Variants in CRACR2A observed in about 807,000 individuals in gnomAD.
CRACR2A encodes the protein EF-hand calcium-binding domain-containing protein 4B.
Under a neutral mutation model 90.5 loss-of-function variants are expected in CRACR2A, and 79 were observed. The observed-to-expected ratio is 0.87, with a 90% CI of 0.73 to 1.05. CRACR2A has a LOEUF of 1.05. CRACR2A is among the 50% of genes least tolerant of loss of function. The pLI is 0.00. For synonymous variants in CRACR2A, 338 were observed against 356.7 expected (o/e 0.95, Z 0.59); for missense variants, 823 against 897.2 (o/e 0.92, Z 1.06).
At chr12:3,702,841 AAAG>A (rs1945854091) in intron 3 of CRACR2A, among the ~76,000 whole-genome samples, 1 of 152,372 alleles carries the variant, frequency 6.6e-6, no homozygotes, top group East Asian at 1.9e-4. Context: ...CAACTTTGAA[AAAG>A]AAGAACAAAA....
chr12:3,646,152 T>TA (rs1408148734), intron 11 of CRACR2A, among the ~76,000 whole-genome samples: 1 of 152,128 alleles, frequency 6.6e-6, no homozygotes, highest in African/African-American at 2.4e-5. Flanking sequence ...TTCCAGGACT[T>TA]AAAGTAGGAG....
intron 1 of CRACR2A, among the ~76,000 whole-genome samples, chr12:3,748,240 G>A (rs1210302650): frequency 2.0e-5 from 3 of 152,158 alleles, no homozygotes; most frequent in Admixed American, 2.0e-4. Context: ...CTTCAGCACA[G>A]ATGGGGTGGG....
At chr12:3,663,758 C>T (rs73245942) in intron 7 of CRACR2A, among the ~76,000 whole-genome samples, 10,269 of 152,242 alleles carry the variant, frequency 0.067, 1,161 homozygotes, top group African/African-American at 0.23. Context: ...TCTATTCATA[C>T]AGCCTAAAAC....
At chr12:3,723,865 C>T (rs1463582162) in intron 2 of CRACR2A, among the ~76,000 whole-genome samples, 1 of 152,192 alleles carries the variant, frequency 6.6e-6, no homozygotes, top group African/African-American at 2.4e-5. Flanking sequence ...ACTGACATTA[C>T]AGTGTCAGTC....
chr12:3,635,882 C>T (rs995699790), intron 14 of CRACR2A, among the ~76,000 whole-genome samples: 3 of 152,174 alleles, frequency 2.0e-5, no homozygotes, highest in African/African-American at 7.2e-5. Flanking sequence ...TTCCTTCCAA[C>T]TTTTCTTTAT....
intron 6 of CRACR2A, among the ~76,000 whole-genome samples, chr12:3,677,972 CTT>C (rs762687961): frequency 6.3e-4 from 96 of 152,322 alleles, no homozygotes; most frequent in Middle Eastern, 6.8e-3. Flanking sequence ...CCTCTTCTCT[CTT>C]GTCTCCTTTT....
chr12:3,736,373 C>G (rs545871041), intron 1 of CRACR2A, among the ~76,000 whole-genome samples: 31 of 151,482 alleles, frequency 2.0e-4, no homozygotes, highest in African/African-American at 7.0e-4. Flanking sequence ...CATTATTTAG[C>G]CAGATTGGAA....
At chr12:3,667,178 C>T (rs1405770445) in intron 7 of CRACR2A, among the ~76,000 whole-genome samples, 1 of 152,180 alleles carries the variant, frequency 6.6e-6, no homozygotes, top group Non-Finnish European at 1.5e-5. Context: ...CTTTGGTTTT[C>T]AAGTGAAGAA....
intron 2 of CRACR2A, among the ~76,000 whole-genome samples, chr12:3,725,414 C>T (rs935106859): frequency 2.0e-5 from 3 of 152,188 alleles, no homozygotes; most frequent in South Asian, 4.1e-4. Flanking sequence ...CCAGCTCTGC[C>T]TCTGTCCTCA....
chr12:3,700,549 T>C (rs1408936271), intron 3 of CRACR2A, among the ~76,000 whole-genome samples: 2 of 152,204 alleles, frequency 1.3e-5, no homozygotes, highest in Non-Finnish European at 2.9e-5. Context: ...TTAACATTAG[T>C]TAAGAGAATA....
At chr12:3,637,635 T>A (rs933434287) in intron 14 of CRACR2A, among the ~76,000 whole-genome samples, 2 of 152,086 alleles carry the variant, frequency 1.3e-5, no homozygotes, top group Non-Finnish European at 2.9e-5. Flanking sequence ...CCCCTTCCCC[T>A]TTCCCTCCAC....
intron 1 of CRACR2A, among the ~76,000 whole-genome samples, chr12:3,743,648 C>A (rs1946564946): frequency 6.6e-6 from 1 of 152,210 alleles, no homozygotes; most frequent in Admixed American, 6.5e-5. Flanking sequence ...GTAAAAAGGA[C>A]ATGGTAAGAC....
At chr12:3,658,402 G>A (rs1944956883) in intron 8 of CRACR2A, among the ~76,000 whole-genome samples, 1 of 152,144 alleles carries the variant, frequency 6.6e-6, no homozygotes, top group Non-Finnish European at 1.5e-5. Context: ...GGGGTGGGGA[G>A]CTGCTGTTCT....
chr12:3,747,461 C>G (rs1946643992), intron 1 of CRACR2A, among the ~76,000 whole-genome samples: 1 of 152,226 alleles, frequency 6.6e-6, no homozygotes, highest in Non-Finnish European at 1.5e-5. Flanking sequence ...CAATCCAACC[C>G]TCTATCCCAG....
At chr12:3,620,773 G>C (rs16930639) in intron 17 of CRACR2A, among the ~76,000 whole-genome samples, 7,355 of 152,258 alleles carry the variant, frequency 0.048, 590 homozygotes, top group African/African-American at 0.17. Flanking sequence ...GGTAACTTGT[G>C]TTTGCAATGA....
chr12:3,640,914 G>A, intron 13 of CRACR2A: 1 of 1,005,516 alleles, frequency 9.9e-7, no homozygotes, highest in Non-Finnish European at 1.3e-6. Context: ...TGTTATGTTT[G>A]AGTTAATTAA....
chr12:3,666,364 T>A (rs868628192), intron 7 of CRACR2A, among the ~76,000 whole-genome samples: 14 of 149,600 alleles, frequency 9.4e-5, no homozygotes, highest in African/African-American at 3.2e-4. Flanking sequence ...TGCGTGCGTG[T>A]GCGCGTGCGC....
intron 3 of CRACR2A, among the ~76,000 whole-genome samples, chr12:3,698,758 G>A (rs776051178): frequency 9.2e-5 from 14 of 152,200 alleles, no homozygotes; most frequent in African/African-American, 1.4e-4. Context: ...AGGGGGCAGG[G>A]CTGTGTCTCC....
In CRACR2A at chr12:3,702,208, G is replaced by A. The variant is rs74390294; in HGVS notation, c.-36-5173C>T. Reference sequence around the variant, plus strand: ...AACAGCTAACATCATACTTAAGGGTGAAAGACCAAATGTTTTGCTCCTGGG... The same window carrying A: ...AACAGCTAACATCATACTTAAGGGTAAAAGACCAAATGTTTTGCTCCTGGG... On this transcript the variant is annotated intron_variant, in intron 3 of 19. Coordinates refer to ENST00000440314, the MANE Select transcript of CRACR2A (RefSeq NM_001144958.2). Among the ~76,000 whole-genome samples the A allele has an allele frequency of 8.0e-3, 1,222 of 152,262 alleles. 15 individuals are homozygous for A. Among genetic ancestry groups the A allele is most frequent in the African/African-American group, 0.028 (1,159 of 41,542 alleles).
Sources: allele counts gnomAD v4.1 joint callset (sites outside exome capture counted in the v4.1 genomes callset), GRCh38; gene constraint gnomAD v4.1.1; transcripts MANE v1.5; gene names NCBI Gene and HGNC (gene_info 2026-07-23, HGNC 2026-07-21).